SEC62: variants seen among roughly 807,000 people sequenced by gnomAD.
SEC62 encodes the protein translocation protein SEC62.
A neutral mutation model predicts 47.5 loss-of-function variants in SEC62; 10 were observed. That is an observed-to-expected ratio of 0.21 (90% CI 0.13 to 0.36). The LOEUF is 0.36. Ranked by LOEUF, SEC62 falls within the 10% of genes least tolerant of loss-of-function variation. The probability of loss-of-function intolerance (pLI) is 1.00; values close to 1 mark genes in which losing one functional copy is unlikely to be tolerated. For synonymous variants in SEC62, 136 were observed against 150.5 expected, an observed-to-expected ratio of 0.90 and a Z score of 0.71; for missense variants, 327 against 464.1, an observed-to-expected ratio of 0.70 and a Z score of 2.71.
rs1397576192 is a variant in SEC62 at position 169,976,930 on chromosome 3, T to C, written c.146-16T>C. 1.3e-6 allele frequency: 2 copies of C among 1,561,096 alleles called. No individual in the cohort carries two copies. The highest frequency in any genetic ancestry group is 4.5e-5 in the East Asian group (2 of 44,408). On this transcript the variant is annotated splice_polypyrimidine_tract_variant and intron_variant, in intron 2 of 7. Transcript: ENST00000337002. ...CCCATGTATGCTAAATTTAAAATAA[T>C]GAATTTCTTCTTTAGCTTCAAAAGC...
At chr3:169,972,392 T>C (rs1714719043) in intron 1 of SEC62, among the ~76,000 whole-genome samples, 2 of 152,052 alleles carry the variant, frequency 1.3e-5, no homozygotes, top group Non-Finnish European at 2.9e-5. Context: ...TTTATCTTCC[T>C]CTTCCAGTGT....
intron 3 of SEC62, among the ~76,000 whole-genome samples, chr3:169,978,246 T>G (rs1034795925): frequency 6.6e-6 from 1 of 152,072 alleles, no homozygotes; most frequent in Admixed American, 6.5e-5. Context: ...GCCACTGCAC[T>G]CCAGCCTGGG....
chr3:169,992,811 G>GAAAAAGGAAGATGA lies in SEC62; in HGVS notation c.949_962dup (p.Glu322LysfsTer9). 6.2e-7 allele frequency: 1 copy of GAAAAAGGAAGATGA among 1,614,070 alleles called. No homozygotes were observed. The highest frequency in any genetic ancestry group is 8.5e-7 in the Non-Finnish European group (1 of 1,180,010). Reference sequence around the variant, plus strand: ...ACAGTGAGGAAAAGTCAGACAGTGAGAAAAAGGAAGATGAGGAGGGGAAAG... The same window carrying GAAAAAGGAAGATGA: ...ACAGTGAGGAAAAGTCAGACAGTGAGAAAAAGGAAGATGAAAAAAGGAAGATGAGGAGGGGAAAG... On this transcript the variant is annotated frameshift_variant, in exon 8 of 8. Transcript: ENST00000337002. LOFTEE classifies it high-confidence loss of function. This position sits in a 1 kb window ranked among gnomAD's most constrained non-coding sequence, Gnocchi z 4.0.
chr3:169,986,495 A>G (rs1559967034), intron 6 of SEC62, among the ~76,000 whole-genome samples: 1 of 152,178 alleles, frequency 6.6e-6, no homozygotes, highest in Non-Finnish European at 1.5e-5. Context: ...TGCCATAATC[A>G]CAGTTGCACA....
intron 1 of SEC62, among the ~76,000 whole-genome samples, chr3:169,967,530 C>G (rs931903642): frequency 1.8e-4 from 27 of 152,172 alleles, no homozygotes; most frequent in African/African-American, 5.6e-4. Flanking sequence ...GGTGCTGCAA[C>G]GAGCTGGTGG....
rs1467934068 is a variant in SEC62 at position 169,992,856 on chromosome 3, A to T, written c.993A>T (p.Gly331=). Reference sequence around the variant, plus strand: ...GGAAAGTAGGACCAGGAAATCATGGAACAGAAGGCTCGGGGGGAGAACGGC... The same window carrying T: ...GGAAAGTAGGACCAGGAAATCATGGTACAGAAGGCTCGGGGGGAGAACGGC... The part of the protein sequence containing the change: ...EEGKVGPGNH[G]TEGSGGERHS... The change falls in exon 8 of 8, where the codon GGA becomes GGT. Residue 331 remains glycine (G), a synonymous_variant. Coordinates refer to ENST00000337002, the MANE Select transcript of SEC62 (RefSeq NM_003262.4). The surrounding 1 kb of genome is among the most constrained non-coding windows in gnomAD (Gnocchi z 4.0). 6.2e-7 allele frequency: 1 copy of T among 1,614,108 alleles called. No homozygotes were observed. Among genetic ancestry groups the T allele is most frequent in the South Asian group, 1.1e-5 (1 of 91,070 alleles).
Position 169,994,956 on chromosome 3 carries a change from T to C in SEC62, c.*1893T>C, listed in dbSNP as rs1344471530. ...GAATGTTAGTACAAATTTTTATAAA[T>C]ATTTGGTGATCCCTGGGGGGAAATA... On this transcript the variant is annotated 3_prime_UTR_variant, in exon 8 of 8. Transcript: ENST00000337002. 1 of 152,208 alleles carries C rather than the reference T, an allele frequency of 6.6e-6. No homozygotes were observed. The highest frequency in any genetic ancestry group is 1.5e-5 in the Non-Finnish European group (1 of 68,004). 9.4% of individuals were successfully genotyped at this position (152,208 alleles called of 1,614,324 possible).
intron 1 of SEC62, among the ~76,000 whole-genome samples, chr3:169,970,926 C>A (rs1352574803): frequency 6.6e-6 from 1 of 152,070 alleles, no homozygotes; most frequent in Non-Finnish European, 1.5e-5. Context: ...GTACTGTAGT[C>A]CAATGTATAA....
rs1715348629 is a variant in SEC62, at chr3:169,995,298, C to G, written c.*2235C>G. 1 of 152,008 alleles carries G rather than the reference C, an allele frequency of 6.6e-6. No individual in the cohort carries two copies. The highest frequency in any genetic ancestry group is 1.5e-5 in the Non-Finnish European group (1 of 68,000). The allele number at this position is 152,008 out of a possible 1,614,324, so 9.4% of individuals were successfully genotyped here. A position where few individuals can be genotyped will look rare whatever the true frequency, so the allele number is the denominator to read the frequency against. On this transcript the variant is annotated 3_prime_UTR_variant, in exon 8 of 8. Coordinates refer to ENST00000337002, the MANE Select transcript of SEC62 (RefSeq NM_003262.4). ...GAGGGTATCAATTGGCCTAACTAAG[C>G]AGGATTGAATTTACCAGAGGCTAAG...
At chr3:169,975,382 A>G (rs1044641218) in intron 1 of SEC62, 2 of 366,066 alleles carry the variant, frequency 5.5e-6, no homozygotes, top group African/African-American at 4.1e-5. Context: ...GTTGAAGCCA[A>G]GAAGCAGACA....
chr3:169,983,027 AGTT>A lies in SEC62; in HGVS notation c.456+120_456+122del. ...CACCTACCTGAGATAACTATATTAG[AGTT>A]GTTATAAATACCGTGGTTGAGAATT... On this transcript the variant is annotated intron_variant, in intron 4 of 7. Coordinates refer to ENST00000337002, the MANE Select transcript of SEC62 (RefSeq NM_003262.4). 6 of 1,483,106 alleles carry A rather than the reference AGTT, an allele frequency of 4.0e-6. No individual in the cohort carries two copies. The South Asian group carries it at 4.1e-5, about 10-fold the overall frequency. The allele number at this position is 1,483,106 out of a possible 1,614,324, so 91.9% of individuals were successfully genotyped here.
At chr3:169,978,108 T>C (rs902976809) in intron 3 of SEC62, among the ~76,000 whole-genome samples, 1 of 151,998 alleles carries the variant, frequency 6.6e-6, no homozygotes, top group African/African-American at 2.4e-5. Flanking sequence ...TGAAACCCCA[T>C]CTCTACTAAA....
In SEC62 at chr3:169,993,179, T is replaced by C; in HGVS notation, c.*116T>C. The C allele has an allele frequency of 5.3e-6, 4 of 758,814 alleles. No individual in the cohort carries two copies. The South Asian group carries it at 7.7e-5, about 15-fold the overall frequency. 47.0% of individuals were successfully genotyped at this position (758,814 alleles called of 1,614,324 possible). On this transcript the variant is annotated 3_prime_UTR_variant, in exon 8 of 8. Coordinates refer to ENST00000337002, the MANE Select transcript of SEC62 (RefSeq NM_003262.4). ...CATTCTTTAAATCTATCTACTGAAA[T>C]GTATTTGACATTCAAGCAGTTATAT...
At chr3:169,981,168 G>A (rs1714964511) in intron 3 of SEC62, among the ~76,000 whole-genome samples, 1 of 152,106 alleles carries the variant, frequency 6.6e-6, no homozygotes, top group South Asian at 2.1e-4. Flanking sequence ...TATGATGGTA[G>A]CATTTTGAGG....
chr3:169,968,620 T>TA (rs1321804125), intron 1 of SEC62: 3 of 152,298 alleles, frequency 2.0e-5, no homozygotes, highest in Non-Finnish European at 4.4e-5. Context: ...TAAAAGTTAT[T>TA]AAAAGTGTTT....
chr3:169,982,644 T>C (rs1715003588), intron 3 of SEC62, 63 bp from the exon 4 acceptor site: 2 of 1,573,332 alleles, frequency 1.3e-6, no homozygotes. Context: ...CAGGTCTTGA[T>C]ATTTTTGCTT....
rs1417384859 is a variant in SEC62 at position 169,992,671 on chromosome 3, G to A, written c.808G>A (p.Ala270Thr). ...CTTTTGGTTCTTGCCAAATCTGACT[G>A]CTGATGTGGGCTTCATTGACTCCTT... ...HHFWFLPNLT[A>T]DVGFIDSFRP... The change falls in exon 8 of 8, where the codon GCT becomes ACT. Residue 270 changes from alanine to threonine, a missense_variant. Coordinates refer to ENST00000337002, the MANE Select transcript of SEC62 (RefSeq NM_003262.4). The surrounding 1 kb of genome is among the most constrained non-coding windows in gnomAD (Gnocchi z 4.0). 3 of 1,614,152 alleles carry A rather than the reference G, an allele frequency of 1.9e-6. No homozygotes were observed.
At chr3:169,981,502 C>T (rs1422966036) in intron 3 of SEC62, among the ~76,000 whole-genome samples, 1 of 152,082 alleles carries the variant, frequency 6.6e-6, no homozygotes, top group African/African-American at 2.4e-5. Context: ...TAGATAGTCA[C>T]CATTAGCAGG....
At chr3:169,969,106 G>T (rs1264279935) in intron 1 of SEC62, among the ~76,000 whole-genome samples, 5 of 152,124 alleles carry the variant, frequency 3.3e-5, no homozygotes, top group Non-Finnish European at 5.9e-5. Flanking sequence ...TAGGCAAAAG[G>T]TCTGTAATAC....
Sources: gnomAD v4.1 joint callset for allele counts (sites outside exome capture counted in the v4.1 genomes callset) on GRCh38, gnomAD v4.1.1 for gene constraint, Gnocchi (gnomAD v3.1) non-coding constraint, MANE v1.5 for transcripts, NCBI Gene and HGNC (gene_info 2026-07-23, HGNC 2026-07-21) for gene names.